MLLT1: variants seen among roughly 807,000 people sequenced by gnomAD.
The protein encoded by MLLT1 is MLLT1 super elongation complex subunit.
MLLT1 carries 11 observed loss-of-function variants against 55.1 expected under a neutral mutation model. The observed-to-expected ratio is 0.20, with a 90% confidence interval of 0.13 to 0.33. The LOEUF (loss-of-function observed/expected upper bound fraction) is 0.33, where lower values mean the gene tolerates loss of function less well. Ranked by LOEUF, MLLT1 falls within the 10% of genes least tolerant of loss-of-function variation. The probability of loss-of-function intolerance (pLI) is 1.00; values close to 1 mark genes in which losing one functional copy is unlikely to be tolerated. For synonymous variants in MLLT1, 323 were observed against 320.1 expected, an observed-to-expected ratio of 1.01 and a Z score of -0.10; for missense variants, 536 against 760.6, an observed-to-expected ratio of 0.70 and a Z score of 3.47.
At chr19:6,244,384 T>C (rs1443903034) in intron 3 of MLLT1, among the ~76,000 whole-genome samples, 1 of 151,004 alleles carries the variant, frequency 6.6e-6, no homozygotes, top group Non-Finnish European at 1.5e-5. Flanking sequence ...AAAACCCTCA[T>C]TTGCGAAGAA....
intron 2 of MLLT1, among the ~76,000 whole-genome samples, chr19:6,265,044 AAAAAC>A (rs572495637): frequency 8.8e-5 from 5 of 56,554 alleles, no homozygotes; most frequent in Non-Finnish European, 1.6e-4. Context: ...ACAGCAAAAA[AAAAAC>A]AAAAAAACAA....
chr19:6,272,599 C>T (rs998607048), intron 1 of MLLT1, among the ~76,000 whole-genome samples: 22 of 152,238 alleles, frequency 1.4e-4, no homozygotes, highest in African/African-American at 5.3e-4. Context: ...TCCTGGGTTG[C>T]TGACGCAGCC....
chr19:6,232,013 A>AG (rs1023196299), intron 3 of MLLT1, among the ~76,000 whole-genome samples: 1 of 152,086 alleles, frequency 6.6e-6, no homozygotes, highest in Non-Finnish European at 1.5e-5. Flanking sequence ...AGGCAGACAG[A>AG]TCACTTGAGG....
At position 6,262,096 on chromosome 19, in the gene MLLT1, C is replaced by A; in HGVS notation, c.276+132G>T. 3 of 701,324 alleles carry A rather than the reference C, an allele frequency of 4.3e-6. No homozygotes were observed. Among genetic ancestry groups the A allele is most frequent in the East Asian group, 2.7e-5 (1 of 37,498 alleles). 43.4% of individuals were successfully genotyped at this position (701,324 alleles called of 1,614,324 possible). On this transcript the variant is annotated intron_variant, in intron 3 of 11. Transcript: ENST00000252674. The surrounding 1 kb of genome is among the most constrained non-coding windows in gnomAD (Gnocchi z 4.4). ...GGAATGGAGATGGTGACCAGCACCC[C>A]CCGCAGCACTCACTGGAATGTCTGT...
In MLLT1 at chr19:6,212,142, G is replaced by A; in HGVS notation, c.*900C>T. 1.9e-6 allele frequency: 2 copies of A among 1,066,592 alleles called. No homozygotes were observed. Among genetic ancestry groups the A allele is most frequent in the East Asian group, 4.9e-5 (1 of 20,208 alleles). The allele number at this position is 1,066,592 out of a possible 1,614,324, so 66.1% of individuals were successfully genotyped here. A position where few individuals can be genotyped will look rare whatever the true frequency, so the allele number is the denominator to read the frequency against. ...GAGGAGGCCGAGCCCCAGGGCGGCT[G>A]ATGCGAGTCTGTCCGCGGAGACTGT... is the stretch of plus-strand genomic sequence containing the variant. On this transcript the variant is annotated 3_prime_UTR_variant, in exon 12 of 12. Transcript: ENST00000252674.
intron 3 of MLLT1, among the ~76,000 whole-genome samples, chr19:6,248,467 C>T (rs889351766): frequency 1.3e-5 from 2 of 152,178 alleles, no homozygotes; most frequent in Admixed American, 6.5e-5. Context: ...TCAAGGTCAA[C>T]CTCGGCTGTT....
intron 2 of MLLT1, among the ~76,000 whole-genome samples, chr19:6,269,655 T>C (rs1600218989): frequency 6.6e-6 from 1 of 152,132 alleles, no homozygotes; most frequent in East Asian, 1.9e-4. Context: ...GGGAAGCTCT[T>C]GCTTCAACCT....
rs533055344 is a variant in MLLT1 at position 6,219,150 on chromosome 19, G to A, written c.1111-1109C>T. The stretch of plus-strand genomic sequence containing the variant: ...CTCCACCCTGCAGAAGGGTCCCCAC[G>A]AAAGCCCAAGGCCTCCCCAAGCAGC... On this transcript the variant is annotated intron_variant, in intron 6 of 11. Transcript: ENST00000252674. This position sits in a 1 kb window ranked among gnomAD's most constrained non-coding sequence, Gnocchi z 4.5. Among the ~76,000 whole-genome samples, 3 of 152,216 alleles carry A rather than the reference G, an allele frequency of 2.0e-5. No individual in the cohort carries two copies. Among genetic ancestry groups the A allele is most frequent in the East Asian group, 1.9e-4 (1 of 5,174 alleles).
chr19:6,232,791 C>T (rs2091024190), intron 3 of MLLT1, among the ~76,000 whole-genome samples: 1 of 152,162 alleles, frequency 6.6e-6, no homozygotes, highest in Non-Finnish European at 1.5e-5. Context: ...GATGATTGCA[C>T]AACACTGTGA....
At chr19:6,264,881 C>T (rs770514591) in intron 2 of MLLT1, among the ~76,000 whole-genome samples, 9 of 104,462 alleles carry the variant, frequency 8.6e-5, no homozygotes, top group Non-Finnish European at 1.4e-4. Flanking sequence ...GGTGACTGAG[C>T]GAAACTCTGT....
rs761623996 is a variant in MLLT1, at chr19:6,216,539, G to A, written c.1199-26C>T. On this transcript the variant is annotated intron_variant, in intron 7 of 11. Transcript: ENST00000252674. ...CTGGGGAGGCGGGGCAGGGAGGGAG[G>A]GGAGACAAGGGCAGGGCTCCACTGA... 6 of 1,486,452 alleles carry A rather than the reference G, an allele frequency of 4.0e-6. No homozygotes were observed. In the Admixed American group the frequency reaches 1.2e-4, roughly 29 times the overall value. The allele number at this position is 1,486,452 out of a possible 1,614,324, so 92.1% of individuals were successfully genotyped here. A position where few individuals can be genotyped will look rare whatever the true frequency, so the allele number is the denominator to read the frequency against.
chr19:6,217,809 C>T (rs1419935004), intron 7 of MLLT1, 145 bp downstream of exon 7: 12 of 1,191,866 alleles, frequency 1.0e-5, no homozygotes, highest in Non-Finnish European at 1.4e-5. Context: ...TAAATATAGA[C>T]TCCCCCAGGC....
At chr19:6,255,907 G>A (rs866822110) in intron 3 of MLLT1, among the ~76,000 whole-genome samples, 2 of 152,118 alleles carry the variant, frequency 1.3e-5, no homozygotes, top group African/African-American at 2.4e-5. Flanking sequence ...CGAAAGGATC[G>A]CTTAAGGCCA....
intron 1 of MLLT1, among the ~76,000 whole-genome samples, chr19:6,275,835 G>C (rs1388565311): frequency 6.6e-6 from 1 of 152,222 alleles, no homozygotes; most frequent in Non-Finnish European, 1.5e-5. Flanking sequence ...CAGATTCCTG[G>C]TAAGACTGAC....
At chr19:6,261,675 G>T (rs1361262201) in intron 3 of MLLT1, among the ~76,000 whole-genome samples, 1 of 150,020 alleles carries the variant, frequency 6.7e-6, no homozygotes, top group Non-Finnish European at 1.5e-5. Flanking sequence ...AACTACAGAT[G>T]AAAGAAAAGA....
chr19:6,268,148 G>T (rs537917768), intron 2 of MLLT1, among the ~76,000 whole-genome samples: 1 of 152,198 alleles, frequency 6.6e-6, no homozygotes, highest in Non-Finnish European at 1.5e-5. Context: ...CAACGAAACC[G>T]CGATTGAGCC....
chr19:6,226,905 G>A lies in MLLT1; in HGVS notation c.546+72C>T, dbSNP rs2090961609. On this transcript the variant is annotated intron_variant, in intron 5 of 11. Transcript: ENST00000252674. The surrounding 1 kb of genome is among the most constrained non-coding windows in gnomAD (Gnocchi z 6.3). ...CGGAAGGCCCAGCCCAGTGGAGGGA[G>A]GGCGCCGGGGCCAGACCCACCACAG... 1.5e-6 allele frequency: 2 copies of A among 1,364,036 alleles called. No homozygotes were observed. Among genetic ancestry groups the A allele is most frequent in the Non-Finnish European group, 1.9e-6 (2 of 1,038,972 alleles). The allele number at this position is 1,364,036 out of a possible 1,614,324, so 84.5% of individuals were successfully genotyped here.
chr19:6,223,894 G>A (rs747068295), intron 5 of MLLT1, among the ~76,000 whole-genome samples: 3 of 152,156 alleles, frequency 2.0e-5, no homozygotes, highest in Non-Finnish European at 2.9e-5. Context: ...GCAGGTGCAC[G>A]GCGGCCCCAG....
Position 6,212,879 on chromosome 19 carries a change from T to G in MLLT1, c.*163A>C. 2.0e-6 allele frequency: 2 copies of G among 1,022,766 alleles called. No homozygotes were observed. Among genetic ancestry groups the G allele is most frequent in the South Asian group, 1.7e-5 (1 of 57,220 alleles). 63.4% of individuals were successfully genotyped at this position (1,022,766 alleles called of 1,614,324 possible). A position where few individuals can be genotyped will look rare whatever the true frequency, so the allele number is the denominator to read the frequency against. ...GCTCCTGGCGATGGAGCGGGGAGAG[T>G]GGGCAGGGAGCCGCCGAGGAAAGTG... On this transcript the variant is annotated 3_prime_UTR_variant, in exon 12 of 12. Coordinates refer to ENST00000252674, the MANE Select transcript of MLLT1 (RefSeq NM_005934.4).
Sources: gnomAD v4.1 joint callset for allele counts (sites outside exome capture counted in the v4.1 genomes callset) on GRCh38, gnomAD v4.1.1 for gene constraint, Gnocchi (gnomAD v3.1) non-coding constraint, MANE v1.5 for transcripts, NCBI Gene and HGNC (gene_info 2026-07-23, HGNC 2026-07-21) for gene names.